AGMO: variants seen among roughly 807,000 people sequenced by gnomAD.
The protein encoded by AGMO is glyceryl-ether monooxygenase.
Under a neutral mutation model 60.2 loss-of-function variants are expected in AGMO, and 75 were observed. The observed-to-expected ratio is 1.25, with a 90% CI of 1.03 to 1.51. AGMO has a LOEUF of 1.51. Among genes scored for constraint, AGMO ranks in the 40% most tolerant of loss-of-function variants. AGMO has a pLI of 0.00. For synonymous variants in AGMO, 261 were observed against 177.1 expected (o/e 1.47, Z -3.76); for missense variants, 763 against 525.5 (o/e 1.45, Z -4.42).
chr7:15,373,256 C>T (rs539144828), intron 10 of AGMO, among the ~76,000 whole-genome samples: 5 of 150,612 alleles, frequency 3.3e-5, no homozygotes, highest in Admixed American at 1.3e-4. Flanking sequence ...CCAGCCTGGA[C>T]AACAGAGTGA....
chr7:15,187,919 A>G, the AGMO span, among the ~76,000 whole-genome samples: 5 of 151,382 alleles, frequency 3.3e-5, no homozygotes, highest in Non-Finnish European at 7.4e-5. Flanking sequence ...CTGCCCATGC[A>G]TCTGGCTCCA....
chr7:15,207,815 T>C (rs1781479804), intron 12 of AGMO, among the ~76,000 whole-genome samples: 1 of 152,076 alleles, frequency 6.6e-6, no homozygotes, highest in African/African-American at 2.4e-5. Context: ...GCACCTGTAG[T>C]CCCAGCTACT....
intron 12 of AGMO, among the ~76,000 whole-genome samples, chr7:15,323,290 G>A (rs1238944885): frequency 6.6e-6 from 1 of 152,014 alleles, no homozygotes; most frequent in Non-Finnish European, 1.5e-5. Flanking sequence ...AATTAATTCT[G>A]ACTGTTTAAC....
chr7:15,328,246 T>C (rs1185502156), intron 12 of AGMO, among the ~76,000 whole-genome samples: 1 of 152,072 alleles, frequency 6.6e-6, no homozygotes, highest in Admixed American at 6.6e-5. Context: ...TGCAGGTGTG[T>C]GCCACCACAC....
the AGMO span, among the ~76,000 whole-genome samples, chr7:15,168,290 T>C: frequency 6.6e-6 from 1 of 152,062 alleles, no homozygotes; most frequent in African/African-American, 2.4e-5. Flanking sequence ...CCTAATAAGC[T>C]AGTGCAACAG....
intron 12 of AGMO, among the ~76,000 whole-genome samples, chr7:15,333,180 C>T: frequency 6.6e-6 from 1 of 152,102 alleles, no homozygotes; most frequent in Non-Finnish European, 1.5e-5. Flanking sequence ...GAAATGGATA[C>T]TCATCCCAGC....
the AGMO span, among the ~76,000 whole-genome samples, chr7:15,142,614 T>G: frequency 6.6e-6 from 1 of 152,206 alleles, no homozygotes; most frequent in Non-Finnish European, 1.5e-5. Flanking sequence ...TGTTACCTAA[T>G]TCCTTTATCC....
At chr7:15,170,916 T>C in the AGMO span, among the ~76,000 whole-genome samples, 14 of 152,264 alleles carry the variant, frequency 9.2e-5, no homozygotes, top group East Asian at 1.9e-4. Context: ...AATGTTACTA[T>C]ATTTGGATTT....
At chr7:15,237,550 T>C (rs911080181) in intron 12 of AGMO, among the ~76,000 whole-genome samples, 1 of 151,972 alleles carries the variant, frequency 6.6e-6, no homozygotes, top group African/African-American at 2.4e-5. Flanking sequence ...AACTACAGAA[T>C]TTAAAGTCTG....
intron 3 of AGMO, among the ~76,000 whole-genome samples, chr7:15,459,076 T>G (rs534624628): frequency 3.2e-4 from 48 of 152,216 alleles, no homozygotes; most frequent in Non-Finnish European, 8.8e-5. Context: ...ACAAATGTCC[T>G]ATTTTAAACT....
At chr7:15,356,692 A>G (rs979043469) in intron 12 of AGMO, among the ~76,000 whole-genome samples, 1 of 151,984 alleles carries the variant, frequency 6.6e-6, no homozygotes, top group African/African-American at 2.4e-5. Flanking sequence ...TGTTTATTTT[A>G]TCTTTTATAA....
intron 10 of AGMO, among the ~76,000 whole-genome samples, chr7:15,377,729 A>AT (rs1783509205): frequency 6.6e-6 from 1 of 152,068 alleles, no homozygotes; most frequent in South Asian, 2.1e-4. Context: ...TCATTCAACT[A>AT]TTTAAGCTCT....
chr7:15,395,868 A>C (rs1784355518), intron 5 of AGMO, among the ~76,000 whole-genome samples: 1 of 152,166 alleles, frequency 6.6e-6, no homozygotes, highest in African/African-American at 2.4e-5. Flanking sequence ...TAAAACACCC[A>C]ATTTACAGTT....
rs1464202306 is a variant in AGMO at position 15,561,945 on chromosome 7, T to C, written c.-100A>G. 4.6e-6 allele frequency: 6 copies of C among 1,300,094 alleles called. No individual in the cohort carries two copies. The highest frequency in any genetic ancestry group is 2.5e-5 in the Admixed American group (1 of 40,440). The allele number at this position is 1,300,094 out of a possible 1,614,324, so 80.5% of individuals were successfully genotyped here. A position where few individuals can be genotyped will look rare whatever the true frequency, so the allele number is the denominator to read the frequency against. ...ACGAGATGTGCAGCTCAGAACAAGC[T>C]CTTTGTCAGAGAACAGCTAAAACCA... On this transcript the variant is annotated 5_prime_UTR_variant, in exon 1 of 13. Coordinates refer to ENST00000342526, the MANE Select transcript of AGMO (RefSeq NM_001004320.2).
the AGMO span, among the ~76,000 whole-genome samples, chr7:15,119,169 T>C: frequency 2.0e-5 from 3 of 151,910 alleles, no homozygotes; most frequent in East Asian, 5.9e-4. Context: ...CATGTTGAAA[T>C]GTAATCCCCA....
chr7:15,248,179 CATATATATATATATATATATATATAT>C lies in AGMO; in HGVS notation c.1264-46846_1264-46821del, dbSNP rs71549925. On this transcript the variant is annotated intron_variant, in intron 12 of 12. Transcript: ENST00000342526. ...TGTCACAAAATCTGTGATCCAGCAC[CATATATATATATATATATATATATAT>C]ATATATATATATATATATATCTTCA... 9.5e-3 allele frequency among the ~76,000 whole-genome samples: 309 copies of C among 32,662 alleles called. 10 individuals are homozygous for C. Among genetic ancestry groups the C allele is most frequent in the East Asian group, 0.045 (18 of 400 alleles). 21.4% of individuals were successfully genotyped at this position (32,662 alleles called of 152,430 possible). A position where few individuals can be genotyped will look rare whatever the true frequency, so the allele number is the denominator to read the frequency against.
intron 3 of AGMO, among the ~76,000 whole-genome samples, chr7:15,500,009 C>T (rs1255870056): frequency 6.6e-6 from 1 of 150,556 alleles, no homozygotes; most frequent in Non-Finnish European, 1.5e-5. Flanking sequence ...AAAATGTTTA[C>T]ACAGATGGAT....
Position 15,299,830 on chromosome 7 carries a change from TACACACACACACACACACACAC to T in AGMO, c.1263+65662_1263+65683del, listed in dbSNP as rs756832586. Among the ~76,000 whole-genome samples the T allele has an allele frequency of 2.6e-3, 123 of 48,194 alleles. 1 individual carries two copies. The East Asian group carries it at 0.04, about 16-fold the overall frequency. The allele number at this position is 48,194 out of a possible 152,430, so 31.6% of individuals were successfully genotyped here. On this transcript the variant is annotated intron_variant, in intron 12 of 12. Transcript: ENST00000342526. The stretch of plus-strand genomic sequence containing the variant: ...GAGACAGAGCAAGACTCTGTCTACA[TACACACACACACACACACACAC>T]ACACACACACACACACACACACACA...
At chr7:15,316,382 G>A (rs545158855) in intron 12 of AGMO, among the ~76,000 whole-genome samples, 5 of 152,210 alleles carry the variant, frequency 3.3e-5, no homozygotes, top group South Asian at 2.1e-4. Context: ...TGCCAGTGGC[G>A]TCTGAAATAC....
Sources: allele counts gnomAD v4.1 joint callset (sites outside exome capture counted in the v4.1 genomes callset), GRCh38; gene constraint gnomAD v4.1.1; transcripts MANE v1.5; gene names NCBI Gene and HGNC (gene_info 2026-07-23, HGNC 2026-07-21).